The following AMOTL1 variants were observed in gnomAD, a reference collection of about 807,000 sequenced individuals.
AMOTL1 encodes angiomotin like 1, also known as angiomotin-like protein 1.
In AMOTL1, 45 loss-of-function variants were observed where a neutral mutation model predicts 102.9. The observed-to-expected ratio is 0.44, with a 90% CI of 0.34 to 0.56. The LOEUF is 0.56. Among genes scored for constraint, AMOTL1 ranks in the 20% least tolerant of loss-of-function variants. The probability of loss-of-function intolerance (pLI) is 0.01; values close to 1 mark genes in which losing one functional copy is unlikely to be tolerated. For synonymous variants in AMOTL1, 481 were observed against 484.7 expected (o/e 0.99, Z 0.10); for missense variants, 1,114 against 1,225.6 (o/e 0.91, Z 1.36).
intron 11 of AMOTL1, among the ~76,000 whole-genome samples, chr11:94,868,307 C>G (rs1952923103): frequency 6.6e-6 from 1 of 152,208 alleles, no homozygotes; most frequent in Non-Finnish European, 1.5e-5. Context: ...CGCTTACCGC[C>G]TTTTCTATAG....
chr11:94,872,450 TC>T lies in AMOTL1; in HGVS notation c.*1656del, dbSNP rs1244007198. Reference sequence around the variant, plus strand: ...AATGAAACACTCAAGAGAGTGCTACTCAGGAAACTTTGCTTGGATCCTAAAA... The same window carrying T: ...AATGAAACACTCAAGAGAGTGCTACTAGGAAACTTTGCTTGGATCCTAAAA... On this transcript the variant is annotated 3_prime_UTR_variant, in exon 13 of 13. Transcript: ENST00000433060. 6.6e-6 allele frequency: 1 copy of T among 152,220 alleles called. No homozygotes were observed. Among genetic ancestry groups the T allele is most frequent in the Non-Finnish European group, 1.5e-5 (1 of 68,058 alleles). The allele number at this position is 152,220 out of a possible 1,614,324, so 9.4% of individuals were successfully genotyped here. A position where few individuals can be genotyped will look rare whatever the true frequency, so the allele number is the denominator to read the frequency against.
Position 94,800,309 on chromosome 11 carries a change from G to A in AMOTL1, c.1119G>A (p.Thr373=), listed in dbSNP as rs373004473. The A allele has an allele frequency of 2.1e-3, 3,372 of 1,587,402 alleles. 72 individuals carry two copies. In the South Asian group the frequency reaches 0.036, roughly 17 times the overall value. ...RYQPPPEYGV[T]SRPCQLPFPS... ...AGCCACCCCCTGAGTATGGGGTAAC[G>A]AGGTGATTATCAACTGCAGACGTTT... Residue 373 remains threonine, a splice_region_variant and synonymous_variant, in exon 3 of 13, where the codon ACG becomes ACA. Coordinates refer to ENST00000433060, the MANE Select transcript of AMOTL1 (RefSeq NM_130847.3).
intron 3 of AMOTL1, among the ~76,000 whole-genome samples, chr11:94,758,168 GAC>G (rs1363985006): frequency 6.6e-6 from 1 of 152,142 alleles, no homozygotes; most frequent in African/African-American, 2.4e-5. Flanking sequence ...TGAGGCTTTT[GAC>G]ACAGTTATTA....
chr11:94,817,716 C>T (rs1049411420), intron 3 of AMOTL1, among the ~76,000 whole-genome samples: 2 of 152,100 alleles, frequency 1.3e-5, no homozygotes, highest in African/African-American at 4.8e-5. Context: ...AGCTATAGGA[C>T]TCTGACAGTT....
chr11:94,800,180 C>T lies in AMOTL1; in HGVS notation c.990C>T (p.His330=), dbSNP rs115326437. 2.3e-3 allele frequency: 3,691 copies of T among 1,613,954 alleles called. 77 individuals are homozygous for T. The African/African-American group carries it at 0.042, about 18-fold the overall frequency. Residue 330 remains histidine, a synonymous_variant, in exon 3 of 13, where the codon CAC becomes CAT. Transcript: ENST00000433060. The part of the protein sequence containing the change: ...MMSPVSKTQE[H]GLFYGDQHPG... ...CCCCAGTCAGCAAGACCCAGGAGCA[C>T]GGACTTTTTTATGGTGACCAGCACC... is the stretch of plus-strand genomic sequence containing the variant.
At chr11:94,849,144 A>G (rs1952480054) in intron 6 of AMOTL1, among the ~76,000 whole-genome samples, 1 of 152,124 alleles carries the variant, frequency 6.6e-6, no homozygotes, top group African/African-American at 2.4e-5. Flanking sequence ...TTTTGTAACT[A>G]CCTGTTTTCA....
intron 9 of AMOTL1, among the ~76,000 whole-genome samples, chr11:94,862,941 T>A (rs1952802516): frequency 6.6e-6 from 1 of 152,222 alleles, no homozygotes; most frequent in South Asian, 2.1e-4. Flanking sequence ...CTGGTTTGTT[T>A]TTATCTTTAC....
chr11:94,860,180 A>T (rs1250661965), intron 9 of AMOTL1, among the ~76,000 whole-genome samples: 1 of 152,200 alleles, frequency 6.6e-6, no homozygotes, highest in East Asian at 1.9e-4. Flanking sequence ...AAACTAGAAG[A>T]ATAGATAATC....
intron 3 of AMOTL1, among the ~76,000 whole-genome samples, chr11:94,742,377 C>G (rs1049942243): frequency 6.6e-6 from 1 of 152,212 alleles, no homozygotes; most frequent in African/African-American, 2.4e-5. Flanking sequence ...ATTTGGTCCT[C>G]TTAAATTGTA....
At chr11:94,817,653 T>C (rs1176970904) in intron 3 of AMOTL1, among the ~76,000 whole-genome samples, 1 of 152,186 alleles carries the variant, frequency 6.6e-6, no homozygotes, top group Non-Finnish European at 1.5e-5. Context: ...ACCATAACTT[T>C]TGTCATCTAG....
At chr11:94,801,050 C>G (rs1394715491) in intron 3 of AMOTL1, among the ~76,000 whole-genome samples, 1 of 152,182 alleles carries the variant, frequency 6.6e-6, no homozygotes. Flanking sequence ...AGCATCTGAA[C>G]AGATCATTGC....
chr11:94,740,975 C>A, exon 3 of AMOTL1: 10 of 1,288,984 alleles, frequency 7.8e-6, no homozygotes, highest in Non-Finnish European at 1.0e-5. Context: ...CATCCTACAG[C>A]CCAGACGAGT....
rs201762455 is a variant in AMOTL1, at chr11:94,869,425, A to G, written c.2716A>G (p.Ser906Gly). 190 of 1,604,586 alleles carry G rather than the reference A, an allele frequency of 1.2e-4. No homozygotes were observed. Among genetic ancestry groups the G allele is most frequent in the Admixed American group, 2.9e-4 (17 of 58,808 alleles). ...CCGGCTGAGCACGACCCCTGCTCAC[A>G]GCCCCGTCCTGAAACACCCAGCGGC... ...RGRLSTTPAH[S>G]PVLKHPAAKG... The change falls in exon 12 of 13, where the codon AGC (serine) becomes GGC (glycine). Residue 906 changes from serine to glycine, a missense_variant. Transcript: ENST00000433060.
At chr11:94,813,437 G>A (rs16921041) in intron 3 of AMOTL1, among the ~76,000 whole-genome samples, 2,061 of 152,200 alleles carry the variant, frequency 0.014, 52 homozygotes, top group African/African-American at 0.046. Context: ...TGGGATCAAC[G>A]TTCCCCAGGC....
intron 5 of AMOTL1, among the ~76,000 whole-genome samples, 198 bp downstream of exon 5, chr11:94,830,392 A>G (rs1275594951): frequency 6.6e-6 from 1 of 152,202 alleles, no homozygotes; most frequent in Non-Finnish European, 1.5e-5. Context: ...TGGGTTGTAT[A>G]TTGCAGCATC....
At chr11:94,775,484 G>A (rs1314800099) in intron 1 of AMOTL1, among the ~76,000 whole-genome samples, 1 of 152,052 alleles carries the variant, frequency 6.6e-6, no homozygotes, top group Non-Finnish European at 1.5e-5. Context: ...ATAACTCTGT[G>A]ACTTTTTTTT....
chr11:94,752,854 G>T (rs1005037024), intron 3 of AMOTL1, among the ~76,000 whole-genome samples: 1 of 152,120 alleles, frequency 6.6e-6, no homozygotes, highest in African/African-American at 2.4e-5. Flanking sequence ...GTGGGGTGGG[G>T]TACAATAGTC....
rs548426529 is a variant in AMOTL1, at chr11:94,875,889, G to C, written c.*5094G>C. 1.2e-4 allele frequency: 19 copies of C among 152,632 alleles called. No individual in the cohort carries two copies. Among genetic ancestry groups the C allele is most frequent in the African/African-American group, 4.6e-4 (19 of 41,570 alleles). 9.5% of individuals were successfully genotyped at this position (152,632 alleles called of 1,614,324 possible). A position where few individuals can be genotyped will look rare whatever the true frequency, so the allele number is the denominator to read the frequency against. On this transcript the variant is annotated 3_prime_UTR_variant, in exon 13 of 13. Transcript: ENST00000433060. ...TGTTCACATCTCTGCATACACTACA[G>C]ATATAAGTGCATAATCATTCATATA...
chr11:94,810,360 A>G (rs970021136), intron 3 of AMOTL1, among the ~76,000 whole-genome samples: 1 of 152,200 alleles, frequency 6.6e-6, no homozygotes, highest in Non-Finnish European at 1.5e-5. Flanking sequence ...AAAGAGAACT[A>G]GTATGGGGCT....
Sources: gnomAD v4.1 joint callset for allele counts (sites outside exome capture counted in the v4.1 genomes callset) on GRCh38, gnomAD v4.1.1 for gene constraint, MANE v1.5 for transcripts, NCBI Gene and HGNC (gene_info 2026-07-23, HGNC 2026-07-21) for gene names.